The following PRKD1 variants were observed in gnomAD, a reference collection of about 807,000 sequenced individuals.
PRKD1 encodes the protein protein kinase D1.
PRKD1 carries 63 observed loss-of-function variants against 95.9 expected under a neutral mutation model. The ratio of observed to expected loss-of-function variants is 0.66; its 90% CI spans 0.54 to 0.81. PRKD1 has a LOEUF of 0.81. Ranked by LOEUF, PRKD1 falls within the 30% of genes least tolerant of loss-of-function variation. The pLI is 0.00. For missense variants in PRKD1, 1,048 were observed against 1,165.3 expected (o/e 0.90, Z 1.47); for synonymous variants, 425 against 423.1 (o/e 1.00, Z -0.05).
At chr14:29,624,934 C>T (rs1879519507) in intron 12 of PRKD1, among the ~76,000 whole-genome samples, 1 of 152,126 alleles carries the variant, frequency 6.6e-6, no homozygotes, top group African/African-American at 2.4e-5. Context: ...TTAACTTCTA[C>T]ACTACTATAT....
chr14:29,852,916 AC>A (rs1346963203), intron 1 of PRKD1, among the ~76,000 whole-genome samples: 2 of 152,174 alleles, frequency 1.3e-5, no homozygotes, highest in Non-Finnish European at 2.9e-5. Flanking sequence ...AGTAGATCAA[AC>A]TCTCCAATCA....
chr14:29,924,729 C>T (rs572904769), intron 1 of PRKD1, among the ~76,000 whole-genome samples: 134 of 152,200 alleles, frequency 8.8e-4, no homozygotes, highest in Middle Eastern at 3.4e-3. Context: ...TGTCATCCTT[C>T]CTCATAGCTG....
In PRKD1 at chr14:29,826,860, T is replaced by C. The variant is rs577316792; in HGVS notation, c.264+100389A>G. Among the ~76,000 whole-genome samples, 10 of 98,902 alleles carry C rather than the reference T, an allele frequency of 1.0e-4. 1 individual carries two copies. Among genetic ancestry groups the C allele is most frequent in the Admixed American group, 3.8e-4 (3 of 7,802 alleles). The allele number at this position is 98,902 out of a possible 152,430, so 64.9% of individuals were successfully genotyped here. On this transcript the variant is annotated intron_variant, in intron 1 of 17. Transcript: ENST00000331968. ...ATATACACACATATATATATATATA[T>C]ATATATATATATATATGATGGAATA...
chr14:29,660,093 G>T (rs1882109308), intron 4 of PRKD1, among the ~76,000 whole-genome samples: 1 of 152,062 alleles, frequency 6.6e-6, no homozygotes, highest in African/African-American at 2.4e-5. Context: ...TTCGTGTATG[G>T]CATAAGACAG....
At chr14:29,827,585 G>A (rs1027080630) in intron 1 of PRKD1, among the ~76,000 whole-genome samples, 4 of 152,062 alleles carry the variant, frequency 2.6e-5, no homozygotes, top group African/African-American at 7.2e-5. Flanking sequence ...AGACAGAATC[G>A]AAGGCTCTTC....
chr14:29,695,042 G>A (rs1290190036), intron 2 of PRKD1, among the ~76,000 whole-genome samples: 3 of 152,206 alleles, frequency 2.0e-5, no homozygotes, highest in Admixed American at 6.5e-5. Flanking sequence ...AGACCAGACT[G>A]CCCAATATGG....
chr14:29,904,476 G>T (rs932961434), intron 1 of PRKD1, among the ~76,000 whole-genome samples: 1 of 152,138 alleles, frequency 6.6e-6, no homozygotes, highest in Non-Finnish European at 1.5e-5. Context: ...AGGTTCTTTT[G>T]CAAATTAAAT....
intron 2 of PRKD1, among the ~76,000 whole-genome samples, chr14:29,718,769 T>G (rs1885744907): frequency 6.6e-6 from 1 of 152,180 alleles, no homozygotes; most frequent in Non-Finnish European, 1.5e-5. Flanking sequence ...GGCCAGGTCT[T>G]ATAAAACCTT....
intron 1 of PRKD1, among the ~76,000 whole-genome samples, chr14:29,847,779 T>C (rs1373029697): frequency 2.0e-5 from 3 of 152,154 alleles, no homozygotes; most frequent in Non-Finnish European, 4.4e-5. Flanking sequence ...GGGCAGGAAG[T>C]GTCTCTAAGA....
intron 2 of PRKD1, among the ~76,000 whole-genome samples, chr14:29,699,265 T>A (rs1209743785): frequency 6.6e-6 from 1 of 152,236 alleles, no homozygotes; most frequent in Non-Finnish European, 1.5e-5. Flanking sequence ...TTTACCAATT[T>A]ACCTTCCAAC....
At chr14:29,679,206 T>C (rs549103791) in intron 2 of PRKD1, among the ~76,000 whole-genome samples, 1 of 152,332 alleles carries the variant, frequency 6.6e-6, no homozygotes, top group Non-Finnish European at 1.5e-5. Context: ...ATTAAACATG[T>C]ACCATATGGC....
At chr14:29,884,674 G>A (rs564510917) in intron 1 of PRKD1, among the ~76,000 whole-genome samples, 6 of 152,304 alleles carry the variant, frequency 3.9e-5, no homozygotes, top group East Asian at 3.9e-4. Flanking sequence ...CATGGACTTC[G>A]ATCAGGTGAC....
At chr14:29,630,285 G>A (rs968566856) in intron 10 of PRKD1, among the ~76,000 whole-genome samples, 2 of 151,936 alleles carry the variant, frequency 1.3e-5, no homozygotes, top group African/African-American at 2.4e-5. Context: ...GACCACAGGC[G>A]CATGACACTA....
intron 1 of PRKD1, among the ~76,000 whole-genome samples, chr14:29,863,422 A>G (rs1198355509): frequency 6.6e-6 from 1 of 152,174 alleles, no homozygotes; most frequent in African/African-American, 2.4e-5. Flanking sequence ...GGAGATCGAA[A>G]TGAGCCATCT....
At chr14:29,718,236 G>T (rs1885721555) in intron 2 of PRKD1, among the ~76,000 whole-genome samples, 1 of 152,106 alleles carries the variant, frequency 6.6e-6, no homozygotes, top group Admixed American at 6.6e-5. Context: ...TATGGAGGTG[G>T]TTTCCCCCAT....
intron 1 of PRKD1, among the ~76,000 whole-genome samples, chr14:29,837,127 C>T (rs1891640040): frequency 6.6e-6 from 1 of 152,068 alleles, no homozygotes; most frequent in Admixed American, 6.6e-5. Context: ...ACCTCCACAC[C>T]ATAAATAATT....
At chr14:29,607,888 C>T (rs1056372701) in intron 13 of PRKD1, among the ~76,000 whole-genome samples, 3 of 152,124 alleles carry the variant, frequency 2.0e-5, no homozygotes, top group African/African-American at 7.2e-5. Context: ...TGTGGGGGGG[C>T]ATTCTGCCTA....
chr14:29,723,875 C>A (rs189096060), intron 2 of PRKD1, among the ~76,000 whole-genome samples: 1 of 152,076 alleles, frequency 6.6e-6, no homozygotes, highest in Non-Finnish European at 1.5e-5. Flanking sequence ...AGGAAATGGG[C>A]TGCTCTTAAA....
At chr14:29,827,905 C>A (rs1455932154) in intron 1 of PRKD1, among the ~76,000 whole-genome samples, 1 of 152,114 alleles carries the variant, frequency 6.6e-6, no homozygotes, top group Non-Finnish European at 1.5e-5. Flanking sequence ...CTTCTCCTAT[C>A]TTGATCTTCC....
Sources: allele counts gnomAD v4.1 joint callset (sites outside exome capture counted in the v4.1 genomes callset), GRCh38; gene constraint gnomAD v4.1.1; transcripts MANE v1.5; gene names NCBI Gene and HGNC (gene_info 2026-07-23, HGNC 2026-07-21).